The following RAB3IL1 variants were observed in gnomAD, a reference collection of about 807,000 sequenced individuals.
RAB3IL1 encodes the protein RAB3A interacting protein like 1.
Under a neutral mutation model 49.2 loss-of-function variants are expected in RAB3IL1, and 37 were observed. The observed-to-expected ratio is 0.75, with a 90% CI of 0.58 to 0.99. The LOEUF (loss-of-function observed/expected upper bound fraction) is 0.99, where lower values mean the gene tolerates loss of function less well. Among genes scored for constraint, RAB3IL1 ranks in the 50% least tolerant of loss-of-function variants. The pLI is 0.00. For missense variants in RAB3IL1, 484 were observed against 513.0 expected (o/e 0.94, Z 0.55); for synonymous variants, 193 against 213.9 (o/e 0.90, Z 0.85).
the RAB3IL1 span, among the ~76,000 whole-genome samples, chr11:61,936,507 A>G: frequency 1.8e-4 from 28 of 152,266 alleles, no homozygotes; most frequent in African/African-American, 6.5e-4. Flanking sequence ...GTGCCTGGCT[A>G]ATTTTTGTAT....
upstream of RAB3IL1, chr11:61,920,263 C>G (rs540471849): frequency 2.0e-4 from 241 of 1,235,170 alleles, 1 homozygote; most frequent in African/African-American, 3.2e-3. Flanking sequence ...CTTCTTCCCC[C>G]CACCAGGCTG....
chr11:61,935,419 C>CAA, the RAB3IL1 span, among the ~76,000 whole-genome samples: 1 of 97,026 alleles, frequency 1.0e-5, no homozygotes, highest in African/African-American at 3.9e-5. Flanking sequence ...GACTGTGTCT[C>CAA]AAAAAAAAAA....
chr11:61,917,549 C>A lies in RAB3IL1; in HGVS notation c.-182G>T. 1 of 1,103,678 alleles carries A rather than the reference C, an allele frequency of 9.1e-7. No homozygotes were observed. Among genetic ancestry groups the A allele is most frequent in the Non-Finnish European group, 1.1e-6 (1 of 907,758 alleles). 68.4% of individuals were successfully genotyped at this position (1,103,678 alleles called of 1,614,324 possible). On this transcript the variant is annotated 5_prime_UTR_variant, in exon 1 of 10. The change creates a new upstream start codon in the 5' untranslated region. Transcript: ENST00000394836. ...CGCGGCCCCCAGCCCAGCCCCGACC[C>A]TGCCCTGGGCGGGTCACGTGGCGGA...
the RAB3IL1 span, among the ~76,000 whole-genome samples, chr11:61,930,320 T>C: frequency 1.1e-4 from 16 of 152,294 alleles, no homozygotes; most frequent in South Asian, 2.5e-3. Context: ...AGATGGATAA[T>C]GGTTGCACAA....
the RAB3IL1 span, among the ~76,000 whole-genome samples, chr11:61,942,207 G>A: frequency 6.0e-4 from 91 of 152,252 alleles, no homozygotes; most frequent in African/African-American, 2.0e-3. Flanking sequence ...GCAAAACTCC[G>A]TCTCAAAACA....
At chr11:61,901,692 T>C (rs1329735091) in intron 8 of RAB3IL1, among the ~76,000 whole-genome samples, 1 of 152,094 alleles carries the variant, frequency 6.6e-6, no homozygotes, top group African/African-American at 2.4e-5. Context: ...GCTGAGGGTG[T>C]CCCCTTGCCA....
chr11:61,913,233 A>G (rs988140273), intron 1 of RAB3IL1, among the ~76,000 whole-genome samples: 3 of 152,116 alleles, frequency 2.0e-5, no homozygotes, highest in Non-Finnish European at 4.4e-5. Flanking sequence ...AGAGCCGAAG[A>G]GTGTCTGGGA....
At chr11:61,944,098 A>T in the RAB3IL1 span, among the ~76,000 whole-genome samples, 1 of 151,668 alleles carries the variant, frequency 6.6e-6, no homozygotes, top group Admixed American at 6.6e-5. Context: ...CCTTCAAAAT[A>T]AATTAAAAAC....
At chr11:61,934,475 TATATATA>T in the RAB3IL1 span, among the ~76,000 whole-genome samples, 1 of 59,630 alleles carries the variant, frequency 1.7e-5, no homozygotes, top group African/African-American at 4.9e-5. Flanking sequence ...TATATATATA[TATATATA>T]TATATATATA....
chr11:61,937,997 T>TAAAATTAA, the RAB3IL1 span: 1 of 151,936 alleles, frequency 6.6e-6, no homozygotes, highest in Non-Finnish European at 1.5e-5. Flanking sequence ...CTTTCCATTA[T>TAAAATTAA]AAAATTAAAA....
intron 1 of RAB3IL1, among the ~76,000 whole-genome samples, chr11:61,915,896 G>A (rs1939659857): frequency 6.6e-6 from 1 of 151,898 alleles, no homozygotes; most frequent in Admixed American, 6.6e-5. Context: ...AAATTAGCTG[G>A]GCGTGGTGGC....
At chr11:61,940,958 C>T in the RAB3IL1 span, among the ~76,000 whole-genome samples, 8 of 151,844 alleles carry the variant, frequency 5.3e-5, no homozygotes, top group Non-Finnish European at 8.8e-5. Flanking sequence ...CACTGTGGCA[C>T]GTGCTTGTAA....
the RAB3IL1 span, among the ~76,000 whole-genome samples, chr11:61,935,496 C>A: frequency 6.6e-6 from 1 of 151,330 alleles, no homozygotes; most frequent in Non-Finnish European, 1.5e-5. Context: ...GACTTTAAAT[C>A]AACTATTTTA....
intron 8 of RAB3IL1, among the ~76,000 whole-genome samples, chr11:61,900,359 C>A (rs2136018373): frequency 6.6e-6 from 1 of 152,378 alleles, no homozygotes; most frequent in East Asian, 1.9e-4. Context: ...ACAGCCCCTA[C>A]TGAATGTCCA....
the RAB3IL1 span, among the ~76,000 whole-genome samples, chr11:61,944,600 C>T: frequency 6.6e-6 from 1 of 152,128 alleles, no homozygotes; most frequent in South Asian, 2.1e-4. Context: ...CGGGCCCCTC[C>T]CCCGGGACAT....
chr11:61,934,028 A>G, the RAB3IL1 span, among the ~76,000 whole-genome samples: 5 of 152,154 alleles, frequency 3.3e-5, no homozygotes, highest in Admixed American at 6.6e-5. Flanking sequence ...AAATGTTACT[A>G]GAAACTGAAG....
At chr11:61,903,849 C>A (rs1939042070) in intron 7 of RAB3IL1, among the ~76,000 whole-genome samples, 1 of 152,018 alleles carries the variant, frequency 6.6e-6, no homozygotes, top group Non-Finnish European at 1.5e-5. Flanking sequence ...GCCGCACTGG[C>A]TGGTGGGTTA....
upstream of RAB3IL1, among the ~76,000 whole-genome samples, chr11:61,924,981 AG>A (rs1355814692): frequency 1.3e-5 from 2 of 152,176 alleles, no homozygotes; most frequent in African/African-American, 4.8e-5. Context: ...CTAGTGGAGG[AG>A]GGTGTGACCC....
Position 61,904,534 on chromosome 11 carries a change from C to A in RAB3IL1, c.899+12G>T. On this transcript the variant is annotated intron_variant, in intron 7 of 9. Transcript: ENST00000394836. ...CCACATGGGCAGGAAGGAGCTAAGA[C>A]CCTCAGCTTACTTGGTGCTGCTACA... 1 of 1,594,362 alleles carries A rather than the reference C, an allele frequency of 6.3e-7. No homozygotes were observed. Among genetic ancestry groups the A allele is most frequent in the Non-Finnish European group, 8.6e-7 (1 of 1,168,098 alleles).
Sources: allele counts gnomAD v4.1 joint callset (sites outside exome capture counted in the v4.1 genomes callset), GRCh38; gene constraint gnomAD v4.1.1; transcripts MANE v1.5; gene names NCBI Gene and HGNC (gene_info 2026-07-23, HGNC 2026-07-21).